RBM27: variants seen among roughly 807,000 people sequenced by gnomAD.
RBM27 encodes the protein RNA-binding protein 27.
A neutral mutation model predicts 135.3 loss-of-function variants in RBM27; 22 were observed. The ratio of observed to expected loss-of-function variants is 0.16; its 90% confidence interval spans 0.12 to 0.23. The LOEUF is 0.23. Among genes scored for constraint, RBM27 ranks in the 10% least tolerant of loss-of-function variants. The probability of loss-of-function intolerance (pLI) is 1.00; values close to 1 mark genes in which losing one functional copy is unlikely to be tolerated. For missense variants in RBM27, 1,009 were observed against 1,281.0 expected, an observed-to-expected ratio of 0.79 and a Z score of 3.24; for synonymous variants, 481 against 442.4, an observed-to-expected ratio of 1.09 and a Z score of -1.10.
chr5:146,219,181 T>C (rs919437783), intron 2 of RBM27, 78 bp downstream of exon 2: 3 of 991,932 alleles, frequency 3.0e-6, no homozygotes, highest in South Asian at 1.6e-5. Context: ...CTTGGAGATA[T>C]AAGCTTGATA....
chr5:146,219,626 C>A (rs138703850), intron 2 of RBM27, among the ~76,000 whole-genome samples: 1 of 152,144 alleles, frequency 6.6e-6, no homozygotes, highest in Admixed American at 6.6e-5. Flanking sequence ...CATTGCCCCT[C>A]ACTTGTTCCA....
chr5:146,272,298 A>G (rs1176405161), intron 19 of RBM27, among the ~76,000 whole-genome samples: 2 of 152,256 alleles, frequency 1.3e-5, no homozygotes, highest in African/African-American at 4.8e-5. Flanking sequence ...CTGTGTGTAC[A>G]GATGTGAACA....
intron 20 of RBM27, among the ~76,000 whole-genome samples, chr5:146,285,173 C>A (rs1759531708): frequency 1.3e-5 from 2 of 152,146 alleles, no homozygotes; most frequent in South Asian, 4.1e-4. Flanking sequence ...AATTGGAAAA[C>A]TAAAGACCTA....
chr5:146,223,007 T>A (rs1406323168), intron 2 of RBM27, among the ~76,000 whole-genome samples: 1 of 152,208 alleles, frequency 6.6e-6, no homozygotes, highest in South Asian at 2.1e-4. Flanking sequence ...TTTCAGTTTC[T>A]TTATGCAGAT....
intron 3 of RBM27, among the ~76,000 whole-genome samples, chr5:146,223,859 T>G (rs188993321): frequency 2.2e-4 from 34 of 152,330 alleles, no homozygotes; most frequent in Non-Finnish European, 4.6e-4. Flanking sequence ...AGAGAAATCA[T>G]TAGGTAACAC....
At chr5:146,282,153 G>A (rs761119194) in intron 19 of RBM27, among the ~76,000 whole-genome samples, 14 of 151,992 alleles carry the variant, frequency 9.2e-5, no homozygotes, top group Non-Finnish European at 1.8e-4. Flanking sequence ...TTATGGGCGT[G>A]TGCCAGTACC....
chr5:146,238,128 G>C (rs1339138427), intron 8 of RBM27, among the ~76,000 whole-genome samples: 1 of 152,194 alleles, frequency 6.6e-6, no homozygotes, highest in Non-Finnish European at 1.5e-5. Flanking sequence ...TAATTAACTT[G>C]CATACTGAAA....
chr5:146,261,731 G>C lies in RBM27; in HGVS notation c.2115G>C (p.Leu705=). ...LSHLSQQHHH[L]PQHLHQQQVL... Reference sequence around the variant, plus strand: ...ACCTCTCACAGCAGCACCATCACCTGCCACAGCATCTACATCAGCAGCAGG... The same window carrying C: ...ACCTCTCACAGCAGCACCATCACCTCCCACAGCATCTACATCAGCAGCAGG... Residue 705 remains leucine (L), a synonymous_variant, in exon 13 of 21, where the codon CTG becomes CTC. Transcript: ENST00000265271. The C allele has an allele frequency of 2.5e-6, 4 of 1,614,126 alleles. No individual in the cohort carries two copies. Among genetic ancestry groups the C allele is most frequent in the Non-Finnish European group, 3.4e-6 (4 of 1,180,012 alleles).
At chr5:146,267,847 T>A in intron 15 of RBM27, 79 bp downstream of exon 15, 1 of 1,423,478 alleles carries the variant, frequency 7.0e-7, no homozygotes, top group Non-Finnish European at 9.7e-7. Context: ...CACTTTTAAA[T>A]CAGTTCATGT....
intron 8 of RBM27, chr5:146,245,279 C>T (rs1757576277): frequency 6.6e-6 from 1 of 152,054 alleles, no homozygotes; most frequent in South Asian, 2.1e-4. Context: ...AACTCACCAA[C>T]TCAGTATATA....
intron 6 of RBM27, among the ~76,000 whole-genome samples, 197 bp downstream of exon 6, chr5:146,231,114 C>T (rs1301587724): frequency 2.6e-5 from 4 of 152,126 alleles, no homozygotes; most frequent in Non-Finnish European, 4.4e-5. Flanking sequence ...CTCCATCTCC[C>T]GGGTTCAAGC....
chr5:146,230,578 T>C (rs1341729166), intron 5 of RBM27, 79 bp from the exon 6 acceptor site: 1 of 1,416,016 alleles, frequency 7.1e-7, no homozygotes, highest in Non-Finnish European at 9.7e-7. Flanking sequence ...ATGTTTTCTA[T>C]GTGAGAAAAT....
intron 4 of RBM27, among the ~76,000 whole-genome samples, chr5:146,229,414 T>C (rs967441318): frequency 6.6e-6 from 1 of 152,206 alleles, no homozygotes; most frequent in African/African-American, 2.4e-5. Flanking sequence ...GGTCTTTGTT[T>C]AGGAACACTT....
At chr5:146,282,066 C>T (rs955687888) in intron 19 of RBM27, among the ~76,000 whole-genome samples, 7 of 143,216 alleles carry the variant, frequency 4.9e-5, no homozygotes, top group African/African-American at 1.3e-4. Context: ...CACAGTGGCG[C>T]GATCTCGGCT....
At chr5:146,229,378 G>A (rs2126746217) in intron 4 of RBM27, among the ~76,000 whole-genome samples, 1 of 152,142 alleles carries the variant, frequency 6.6e-6, no homozygotes, top group Admixed American at 6.5e-5. Context: ...CTTGTATATT[G>A]AATCATCAGC....
intron 1 of RBM27, among the ~76,000 whole-genome samples, chr5:146,207,248 A>C (rs1755720791): frequency 6.6e-6 from 1 of 152,004 alleles, no homozygotes; most frequent in Non-Finnish European, 1.5e-5. Flanking sequence ...TTTGAGGTGG[A>C]ATCTCTCACT....
chr5:146,265,958 C>A (rs1581223720), intron 14 of RBM27, among the ~76,000 whole-genome samples: 1 of 152,206 alleles, frequency 6.6e-6, no homozygotes, highest in East Asian at 1.9e-4. Context: ...CAAAATATTC[C>A]CCAAACATTT....
At position 146,270,821 on chromosome 5, in the gene RBM27, A is replaced by G. The variant is rs79294774; in HGVS notation, c.2692-133A>G. 3,976 of 548,350 alleles carry G rather than the reference A, an allele frequency of 7.3e-3. 141 individuals are homozygous for G. Among genetic ancestry groups the G allele is most frequent in the African/African-American group, 0.068 (3,557 of 52,024 alleles). The allele number at this position is 548,350 out of a possible 1,614,324, so 34.0% of individuals were successfully genotyped here. A position where few individuals can be genotyped will look rare whatever the true frequency, so the allele number is the denominator to read the frequency against. On this transcript the variant is annotated intron_variant, in intron 17 of 20. Transcript: ENST00000265271. ...ATATCTGTAAAGTTACTTTTTTAAA[A>G]ACACCCATGTTTATTGCATCCTCTC... is the stretch of plus-strand genomic sequence containing the variant.
chr5:146,260,911 AT>A lies in RBM27; in HGVS notation c.1893+14del. ...TGTTAATATCCAGGTAAATGTGGCT[AT>A]GTCAGTGACAGAATCCAGGCATTTT... is the stretch of plus-strand genomic sequence containing the variant. On this transcript the variant is annotated intron_variant, in intron 12 of 20. Transcript: ENST00000265271. The A allele has an allele frequency of 6.2e-7, 1 of 1,601,086 alleles. No homozygotes were observed. Among genetic ancestry groups the A allele is most frequent in the Middle Eastern group, 1.7e-4 (1 of 5,984 alleles).
Sources: gnomAD v4.1 joint callset for allele counts (sites outside exome capture counted in the v4.1 genomes callset) on GRCh38, gnomAD v4.1.1 for gene constraint, MANE v1.5 for transcripts, NCBI Gene and HGNC (gene_info 2026-07-23, HGNC 2026-07-21) for gene names.